Variants in SNIP1 observed in about 807,000 individuals in gnomAD.
SNIP1 encodes smad nuclear-interacting protein 1.
SNIP1 carries 23 observed loss-of-function variants against 37.4 expected under a neutral mutation model. That is an observed-to-expected ratio of 0.61 (90% CI 0.44 to 0.87). SNIP1 has a LOEUF of 0.87. Among genes scored for constraint, SNIP1 ranks in the 40% least tolerant of loss-of-function variants. SNIP1 has a pLI of 0.00. For missense variants in SNIP1, 459 were observed against 540.4 expected (o/e 0.85, Z 1.49); for synonymous variants, 174 against 200.0 (o/e 0.87, Z 1.10).
chr1:37,548,330 T>C (rs965887512), intron 2 of SNIP1, among the ~76,000 whole-genome samples: 1 of 151,858 alleles, frequency 6.6e-6, no homozygotes, highest in Non-Finnish European at 1.5e-5. Context: ...ATTTGCTTTT[T>C]TTTTTAAAAC....
At chr1:37,538,529 A>AG (rs397703950) in intron 3 of SNIP1, among the ~76,000 whole-genome samples, 20 of 150,558 alleles carry the variant, frequency 1.3e-4, no homozygotes, top group African/African-American at 4.4e-4. Context: ...AAAAAAAAAA[A>AG]GGTGAGAATG....
chr1:37,546,677 A>G (rs573737170), intron 2 of SNIP1, among the ~76,000 whole-genome samples: 17 of 152,160 alleles, frequency 1.1e-4, no homozygotes, highest in Admixed American at 3.3e-4. Context: ...CTGTTTCAAA[A>G]AAAAAGAGAA....
intron 3 of SNIP1, among the ~76,000 whole-genome samples, chr1:37,539,684 T>A (rs893345890): frequency 2.6e-5 from 4 of 152,220 alleles, no homozygotes; most frequent in African/African-American, 7.2e-5. Flanking sequence ...CACTCCAGCC[T>A]GGGCACAGAA....
Position 37,535,233 on chromosome 1 carries a change from T to A in SNIP1, c.*2515A>T, listed in dbSNP as rs1643075439. On this transcript the variant is annotated 3_prime_UTR_variant, in exon 4 of 4. Coordinates refer to ENST00000296215, the MANE Select transcript of SNIP1 (RefSeq NM_024700.4). ...AAAAAAAAATAAAAAATAAAAATTA[T>A]ATATATAAATTAGCCAGGCTTGGTG... 2 of 72,962 alleles carry A rather than the reference T, an allele frequency of 2.7e-5. No homozygotes were observed. Among genetic ancestry groups the A allele is most frequent in the Non-Finnish European group, 2.7e-5 (1 of 37,060 alleles). The allele number at this position is 72,962 out of a possible 1,614,324, so 4.5% of individuals were successfully genotyped here. A position where few individuals can be genotyped will look rare whatever the true frequency, so the allele number is the denominator to read the frequency against.
rs2148118791 is a variant in SNIP1 at position 37,553,994 on chromosome 1, T to G, written c.224+12A>C. 1.3e-6 allele frequency: 2 copies of G among 1,554,606 alleles called. No individual in the cohort carries two copies. Among genetic ancestry groups the G allele is most frequent in the South Asian group, 2.4e-5 (2 of 84,872 alleles). On this transcript the variant is annotated intron_variant, in intron 1 of 3. Transcript: ENST00000296215. Reference sequence around the variant, plus strand: ...CAACCCAATGTCCATCCTGGACTGCTCCCCCACTTACCGGCTAACTCCTCG... The same window carrying G: ...CAACCCAATGTCCATCCTGGACTGCGCCCCCACTTACCGGCTAACTCCTCG...
In SNIP1 at chr1:37,537,467, A is replaced by C. The variant is rs1482026562; in HGVS notation, c.*281T>G. ...TTCTGAAAGCACCAACTAAAACCAC[A>C]ACACTTCTACTAAAACACGGTGTGT... On this transcript the variant is annotated 3_prime_UTR_variant, in exon 4 of 4. Transcript: ENST00000296215. 1 of 385,396 alleles carries C rather than the reference A, an allele frequency of 2.6e-6. No individual in the cohort carries two copies. The highest frequency in any genetic ancestry group is 4.4e-5 in the East Asian group (1 of 22,730). 23.9% of individuals were successfully genotyped at this position (385,396 alleles called of 1,614,324 possible). A position where few individuals can be genotyped will look rare whatever the true frequency, so the allele number is the denominator to read the frequency against.
At position 37,538,019 on chromosome 1, in the gene SNIP1, G is replaced by A. The variant is rs1557623975; in HGVS notation, c.927-7C>T. The stretch of plus-strand genomic sequence containing the variant: ...ACGGGTATATTCCACAAGCCTAGCA[G>A]AAAAAAAGGAGAAACCTGTGAGCAA... On this transcript the variant is annotated splice_polypyrimidine_tract_variant and splice_region_variant and intron_variant, in intron 3 of 3. Coordinates refer to ENST00000296215, the MANE Select transcript of SNIP1 (RefSeq NM_024700.4). 7 of 1,573,784 alleles carry A rather than the reference G, an allele frequency of 4.4e-6. No individual in the cohort carries two copies. The Admixed American group carries it at 7.8e-5, about 18-fold the overall frequency.
chr1:37,539,110 C>T (rs562600707), intron 3 of SNIP1, among the ~76,000 whole-genome samples: 1 of 152,206 alleles, frequency 6.6e-6, no homozygotes, highest in Non-Finnish European at 1.5e-5. Context: ...AAGCTCAGGG[C>T]TTCCACTGAT....
intron 3 of SNIP1, 97 bp from the exon 4 acceptor site, chr1:37,538,109 T>C: frequency 1.5e-6 from 2 of 1,364,274 alleles, no homozygotes; most frequent in Non-Finnish European, 2.0e-6. Flanking sequence ...ATGACGTAAA[T>C]AACCTGGCTT....
At chr1:37,546,185 G>C (rs72657789) in intron 2 of SNIP1, among the ~76,000 whole-genome samples, 7,544 of 148,106 alleles carry the variant, frequency 0.051, 285 homozygotes, top group Non-Finnish European at 0.077. Context: ...CAGGGCTCAA[G>C]TGAGGGGCTG....
At chr1:37,551,965 A>G (rs1325844942) in intron 2 of SNIP1, among the ~76,000 whole-genome samples, 1 of 152,242 alleles carries the variant, frequency 6.6e-6, no homozygotes, top group Non-Finnish European at 1.5e-5. Flanking sequence ...TATGTGTAAT[A>G]GCCAAAAAAT....
At position 37,552,676 on chromosome 1, in the gene SNIP1, CTTCGGT is replaced by C; in HGVS notation, c.290_295del (p.Asn97_Arg98del). The C allele has an allele frequency of 6.2e-7, 1 of 1,614,184 alleles. No individual in the cohort carries two copies. Among genetic ancestry groups the C allele is most frequent in the Non-Finnish European group, 8.5e-7 (1 of 1,180,040 alleles). On this transcript the variant is annotated inframe_deletion, in exon 2 of 4. Coordinates refer to ENST00000296215, the MANE Select transcript of SNIP1 (RefSeq NM_024700.4). Reference sequence around the variant, plus strand: ...CACTTTGACTGTTGAGTGGTGAGGACTTCGGTTTCTCTTACTGCGAGGAGACTTGCT... The same window carrying C: ...CACTTTGACTGTTGAGTGGTGAGGACTTCTCTTACTGCGAGGAGACTTGCT...
At position 37,538,014 on chromosome 1, in the gene SNIP1, T is replaced by C; in HGVS notation, c.927-2A>G. The C allele has an allele frequency of 6.3e-7, 1 of 1,580,126 alleles. No individual in the cohort carries two copies. The highest frequency in any genetic ancestry group is 8.6e-7 in the Non-Finnish European group (1 of 1,165,678). On this transcript the variant is annotated splice_acceptor_variant, in intron 3 of 3. Coordinates refer to ENST00000296215, the MANE Select transcript of SNIP1 (RefSeq NM_024700.4). LOFTEE classifies it high-confidence loss of function. ...TCAGCACGGGTATATTCCACAAGCC[T>C]AGCAGAAAAAAAGGAGAAACCTGTG... is the stretch of plus-strand genomic sequence containing the variant.
Position 37,537,531 on chromosome 1 carries a change from G to C in SNIP1, c.*217C>G. The stretch of plus-strand genomic sequence containing the variant: ...ACTGTTCTGAAAACAAATGCCTGCA[G>C]GCATGTGGCCAAGGTGCCACAGAAA... On this transcript the variant is annotated 3_prime_UTR_variant, in exon 4 of 4. Coordinates refer to ENST00000296215, the MANE Select transcript of SNIP1 (RefSeq NM_024700.4). The C allele has an allele frequency of 3.8e-6, 2 of 527,728 alleles. No homozygotes were observed. Among genetic ancestry groups the C allele is most frequent in the South Asian group, 2.9e-5 (1 of 34,004 alleles). The allele number at this position is 527,728 out of a possible 1,614,324, so 32.7% of individuals were successfully genotyped here.
rs1643114786 is a variant in SNIP1, at chr1:37,537,664, G to A, written c.*84C>T. 1 of 1,462,830 alleles carries A rather than the reference G, an allele frequency of 6.8e-7. No individual in the cohort carries two copies. The allele number at this position is 1,462,830 out of a possible 1,614,324, so 90.6% of individuals were successfully genotyped here. On this transcript the variant is annotated 3_prime_UTR_variant, in exon 4 of 4. Coordinates refer to ENST00000296215, the MANE Select transcript of SNIP1 (RefSeq NM_024700.4). ...GCATTACAGAGAGCACCATAGTGCT[G>A]GACCCACCACCATAGTGCTCTCTGA...
Position 37,537,665 on chromosome 1 carries a change from G to C in SNIP1, c.*83C>G. 1 of 1,468,274 alleles carries C rather than the reference G, an allele frequency of 6.8e-7. No homozygotes were observed. The highest frequency in any genetic ancestry group is 1.3e-5 in the South Asian group (1 of 76,722). 91.0% of individuals were successfully genotyped at this position (1,468,274 alleles called of 1,614,324 possible). ...CATTACAGAGAGCACCATAGTGCTG[G>C]ACCCACCACCATAGTGCTCTCTGAG... On this transcript the variant is annotated 3_prime_UTR_variant, in exon 4 of 4. Transcript: ENST00000296215.
chr1:37,549,868 G>A (rs1643281583), intron 2 of SNIP1, among the ~76,000 whole-genome samples: 1 of 152,216 alleles, frequency 6.6e-6, no homozygotes, highest in South Asian at 2.1e-4. Flanking sequence ...AATCAAGACT[G>A]TGTGGTATTG....
At chr1:37,552,772 T>G (rs1317265956) in intron 1 of SNIP1, 25 bp from the exon 2 acceptor site, 1 of 1,587,058 alleles carries the variant, frequency 6.3e-7, no homozygotes, top group Non-Finnish European at 8.7e-7. Flanking sequence ...GTACACAGGA[T>G]TTTATCGCAA....
In SNIP1 at chr1:37,554,074, G is replaced by A. The variant is rs1195839314; in HGVS notation, c.156C>T (p.Ser52=). 6.2e-7 allele frequency: 1 copy of A among 1,603,720 alleles called. No individual in the cohort carries two copies. Among genetic ancestry groups the A allele is most frequent in the South Asian group, 1.1e-5 (1 of 89,626 alleles). The change falls in exon 1 of 4, where the codon AGC becomes AGT. Residue 52 remains serine, a synonymous_variant. Transcript: ENST00000296215. ...AHRRPDHSGG[S]PSPPTSEPAR... is the part of the protein sequence containing the mutation. The stretch of plus-strand genomic sequence containing the variant: ...CCGGCTCGCTGGTCGGCGGAGACGG[G>A]CTACCACCGGAGTGGTCCGGACGGC...
Sources: gnomAD v4.1 joint callset for allele counts (sites outside exome capture counted in the v4.1 genomes callset) on GRCh38, gnomAD v4.1.1 for gene constraint, MANE v1.5 for transcripts, NCBI Gene and HGNC (gene_info 2026-07-23, HGNC 2026-07-21) for gene names.